Variants in NKX6-3 observed in about 807,000 individuals in gnomAD.
NKX6-3 encodes the protein homeobox protein Nkx-6.3.
In NKX6-3, 17 loss-of-function variants were observed where a neutral mutation model predicts 22.0. The observed-to-expected ratio is 0.77, with a 90% confidence interval of 0.53 to 1.16. The LOEUF (loss-of-function observed/expected upper bound fraction) is 1.16. NKX6-3 is among the 50% of genes most tolerant of loss of function. The pLI is 0.00. For synonymous variants in NKX6-3, 177 were observed against 167.2 expected, an observed-to-expected ratio of 1.06 and a Z score of -0.45; for missense variants, 363 against 359.0, an observed-to-expected ratio of 1.01 and a Z score of -0.09.
In NKX6-3 at chr8:41,646,207, G is replaced by A; in HGVS notation, c.*242C>T. The A allele has an allele frequency of 1.7e-6, 1 of 598,968 alleles. No individual in the cohort carries two copies. The highest frequency in any genetic ancestry group is 3.0e-5 in the Admixed American group (1 of 32,910). The allele number at this position is 598,968 out of a possible 1,614,324, so 37.1% of individuals were successfully genotyped here. A position where few individuals can be genotyped will look rare whatever the true frequency, so the allele number is the denominator to read the frequency against. ...GGCTTCCAGGTCTCAGGAGTGCTGT[G>A]CCTCCCTCCTGGCCTCCTCCTCCCT... On this transcript the variant is annotated 3_prime_UTR_variant, in exon 3 of 3. Coordinates refer to ENST00000518699, the MANE Select transcript of NKX6-3 (RefSeq NM_001364841.2).
chr8:41,650,341 G>GT lies in NKX6-3; in HGVS notation c.151dup (p.Thr51AsnfsTer84), dbSNP rs1804293052. 6.5e-7 allele frequency: 1 copy of GT among 1,534,888 alleles called. No individual in the cohort carries two copies. On this transcript the variant is annotated frameshift_variant, in exon 1 of 3. Transcript: ENST00000518699. LOFTEE classifies it high-confidence loss of function. ...CAGGATGTCCGTGATCCCGTGGGGG[G>GT]TTCCGGCGGCCAGCTGGGGGCCCAG...
intron 2 of NKX6-3, among the ~76,000 whole-genome samples, chr8:41,647,691 A>T (rs1309590383): frequency 6.6e-6 from 1 of 151,992 alleles, no homozygotes; most frequent in Non-Finnish European, 1.5e-5. Flanking sequence ...TTGGCCAAAT[A>T]CGGGGGGAGA....
intron 1 of NKX6-3, among the ~76,000 whole-genome samples, chr8:41,649,640 G>A (rs752925342): frequency 3.1e-4 from 47 of 152,212 alleles, no homozygotes; most frequent in Non-Finnish European, 5.3e-4. Flanking sequence ...GGCTGGACCC[G>A]GATGGGGTCA....
intron 2 of NKX6-3, chr8:41,647,460 A>T (rs1804236688): frequency 3.2e-6 from 4 of 1,243,232 alleles, no homozygotes; most frequent in Admixed American, 5.8e-5. Flanking sequence ...TTTAGGGGGC[A>T]TTTGGGGCCC....
At chr8:41,646,717 G>A (rs1454001043) in intron 2 of NKX6-3, 23 bp from the exon 3 acceptor site, 1 of 1,525,536 alleles carries the variant, frequency 6.6e-7, no homozygotes, top group Non-Finnish European at 8.7e-7. Flanking sequence ...AGAATGTGAA[G>A]GGCACAGGGG....
intron 1 of NKX6-3, 106 bp from the exon 2 acceptor site, chr8:41,648,341 G>C (rs934602683): frequency 2.1e-6 from 2 of 960,878 alleles, no homozygotes; most frequent in Admixed American, 2.7e-5. Context: ...CTCCTGCAGA[G>C]GTTTCCAGGA....
In NKX6-3 at chr8:41,650,101, C is replaced by G; in HGVS notation, c.382+10G>C. 6.5e-7 allele frequency: 1 copy of G among 1,529,442 alleles called. No individual in the cohort carries two copies. The highest frequency in any genetic ancestry group is 2.0e-5 in the Admixed American group (1 of 50,448). The allele number at this position is 1,529,442 out of a possible 1,614,324, so 94.7% of individuals were successfully genotyped here. A position where few individuals can be genotyped will look rare whatever the true frequency, so the allele number is the denominator to read the frequency against. ...GTGCCGGGAGGTGGCTGGGGAGGAC[C>G]CGTACTCACTGTTGCTGCACTGCCG... is the stretch of plus-strand genomic sequence containing the variant. On this transcript the variant is annotated intron_variant, in intron 1 of 2. Transcript: ENST00000518699.
At position 41,647,772 on chromosome 8, in the gene NKX6-3, C is replaced by A. The variant is rs1260171299; in HGVS notation, c.552+294G>T. 2.6e-5 allele frequency among the ~76,000 whole-genome samples: 4 copies of A among 152,040 alleles called. No homozygotes were observed. The East Asian group carries it at 7.8e-4, about 29-fold the overall frequency. ...AGCTCTGCCAGCTCTCCCAGCTCTCCCAGCCGGGAGACACTGATCTTCATC... is the reference window on the plus strand; with the variant it reads ...AGCTCTGCCAGCTCTCCCAGCTCTCACAGCCGGGAGACACTGATCTTCATC... On this transcript the variant is annotated intron_variant, in intron 2 of 2. Transcript: ENST00000518699.
chr8:41,649,680 A>G (rs1804276488), intron 1 of NKX6-3, among the ~76,000 whole-genome samples: 1 of 152,176 alleles, frequency 6.6e-6, no homozygotes, highest in African/African-American at 2.4e-5. Flanking sequence ...GAGTGATGCC[A>G]GGGCTCTCTG....
In NKX6-3 at chr8:41,646,461, C is replaced by T. The variant is rs972668953; in HGVS notation, c.786G>A (p.Ala262=). 6.3e-7 allele frequency: 1 copy of T among 1,598,950 alleles called. No homozygotes were observed. The highest frequency in any genetic ancestry group is 8.5e-7 in the Non-Finnish European group (1 of 1,174,746). ...RAAFSVLSLG[A]HSV ...TGGACGGCGGGCGTCAGACGCTGTG[C>T]GCTCCCAGGCTGAGCACCGAGAAGG... Residue 262 remains alanine (A), a synonymous_variant, in exon 3 of 3, where the codon GCG becomes GCA. Transcript: ENST00000518699.
rs1366196078 is a variant in NKX6-3 at position 41,646,500 on chromosome 8, G to A, written c.747C>T (p.Arg249=). 1 of 1,611,058 alleles carries A rather than the reference G, an allele frequency of 6.2e-7. No individual in the cohort carries two copies. The highest frequency in any genetic ancestry group is 1.7e-5 in the Admixed American group (1 of 59,814). The change falls in exon 3 of 3, where the codon CGC becomes CGT. Residue 249 remains arginine (R), a synonymous_variant. Transcript: ENST00000518699. Reference sequence around the variant, plus strand: ...GCACCGAGAAGGCGGCGCGGTGCTTGCGCAGCAGCAGGCGGATCTTCTCGT... The same window carrying A: ...GCACCGAGAAGGCGGCGCGGTGCTTACGCAGCAGCAGGCGGATCTTCTCGT... ...SDDEKIRLLL[R]KHRAAFSVLS...
chr8:41,646,744 C>T, intron 2 of NKX6-3, 50 bp from the exon 3 acceptor site: 2 of 1,515,648 alleles, frequency 1.3e-6, no homozygotes, highest in Middle Eastern at 1.7e-4. Flanking sequence ...GCGCACGGGA[C>T]GCGAGAACAG....
chr8:41,650,386 TAGA>T lies in NKX6-3; in HGVS notation c.104_106del (p.Phe35del). The T allele has an allele frequency of 2.0e-6, 3 of 1,535,384 alleles. No individual in the cohort carries two copies. Among genetic ancestry groups the T allele is most frequent in the African/African-American group, 1.4e-5 (1 of 73,122 alleles). On this transcript the variant is annotated inframe_deletion, in exon 1 of 3. Coordinates refer to ENST00000518699, the MANE Select transcript of NKX6-3 (RefSeq NM_001364841.2). The stretch of plus-strand genomic sequence containing the variant: ...GCCCAGCCCTGGGGGGCTGAGCTTG[TAGA>T]AGGAGTTCTGCACAGAGTACTGGCA...
chr8:41,648,786 A>G (rs1008559133), intron 1 of NKX6-3, among the ~76,000 whole-genome samples: 1 of 152,228 alleles, frequency 6.6e-6, no homozygotes, highest in Non-Finnish European at 1.5e-5. Flanking sequence ...AGCCTGGCAC[A>G]GAGGCCAGAG....
intron 2 of NKX6-3, among the ~76,000 whole-genome samples, chr8:41,646,948 C>CCTCCT (rs1804223049): frequency 2.0e-5 from 1 of 50,530 alleles, no homozygotes; most frequent in Non-Finnish European, 4.2e-5. Flanking sequence ...CCTCCCCTCC[C>CCTCCT]CCTCCCCCTC....
In NKX6-3 at chr8:41,646,369, T is replaced by G; in HGVS notation, c.*80A>C. 2.0e-6 allele frequency: 3 copies of G among 1,486,860 alleles called. No homozygotes were observed. The highest frequency in any genetic ancestry group is 1.8e-6 in the Non-Finnish European group (2 of 1,110,292). The allele number at this position is 1,486,860 out of a possible 1,614,324, so 92.1% of individuals were successfully genotyped here. ...CTCAGTCCCTGCGCCCCCAGGAGCGTGGGGAAGGGGAGGGGAAGGTAGGCT... is the reference window on the plus strand; with the variant it reads ...CTCAGTCCCTGCGCCCCCAGGAGCGGGGGGAAGGGGAGGGGAAGGTAGGCT... On this transcript the variant is annotated 3_prime_UTR_variant, in exon 3 of 3. Coordinates refer to ENST00000518699, the MANE Select transcript of NKX6-3 (RefSeq NM_001364841.2).
chr8:41,649,802 C>T (rs1431587535), intron 1 of NKX6-3, among the ~76,000 whole-genome samples: 1 of 152,124 alleles, frequency 6.6e-6, no homozygotes. Flanking sequence ...CCTACTGGAC[C>T]TCGTGCAGGG....
In NKX6-3 at chr8:41,645,306, C is replaced by G. The variant is rs1189417108; in HGVS notation, c.*1143G>C. On this transcript the variant is annotated 3_prime_UTR_variant, in exon 3 of 3. Coordinates refer to ENST00000518699, the MANE Select transcript of NKX6-3 (RefSeq NM_001364841.2). ...CTCACCCGCCTCCCCCAGCCCACCC[C>G]CTACCTGCCAGCAGCTCAGATCACC... The G allele has an allele frequency of 6.6e-6, 1 of 152,290 alleles. No individual in the cohort carries two copies. Among genetic ancestry groups the G allele is most frequent in the African/African-American group, 2.4e-5 (1 of 41,456 alleles). The allele number at this position is 152,290 out of a possible 1,614,324, so 9.4% of individuals were successfully genotyped here.
intron 1 of NKX6-3, 31 bp downstream of exon 1, chr8:41,650,080 C>G: frequency 1.3e-6 from 2 of 1,510,778 alleles, no homozygotes; most frequent in Non-Finnish European, 1.8e-6. Flanking sequence ...TGGCGGGTGC[C>G]GGGAGGTGGC....
Sources: allele counts gnomAD v4.1 joint callset (sites outside exome capture counted in the v4.1 genomes callset), GRCh38; gene constraint gnomAD v4.1.1; transcripts MANE v1.5; gene names NCBI Gene and HGNC (gene_info 2026-07-23, HGNC 2026-07-21).